MON2: variants seen among roughly 807,000 people sequenced by gnomAD.
The protein encoded by MON2 is protein MON2 homolog.
Under a neutral mutation model 208.6 loss-of-function variants are expected in MON2, and 84 were observed. The observed-to-expected ratio is 0.40, with a 90% CI of 0.34 to 0.48. The LOEUF (loss-of-function observed/expected upper bound fraction) is 0.48. Among genes scored for constraint, MON2 ranks in the 20% least tolerant of loss-of-function variants. MON2 has a pLI of 0.59. For missense variants in MON2, 1,611 were observed against 2,015.4 expected, an observed-to-expected ratio of 0.80 and a Z score of 3.84; for synonymous variants, 660 against 694.0, an observed-to-expected ratio of 0.95 and a Z score of 0.77.
chr12:62,501,727 A>C, intron 7 of MON2, 29 bp downstream of exon 7: 9 of 1,610,522 alleles, frequency 5.6e-6, no homozygotes, highest in Non-Finnish European at 7.6e-6. Context: ...CTTGTGACAA[A>C]GTTAATCTGA....
intron 30 of MON2, among the ~76,000 whole-genome samples, chr12:62,573,068 A>G (rs2074655027): frequency 6.6e-6 from 1 of 152,216 alleles, no homozygotes; most frequent in Non-Finnish European, 1.5e-5. Flanking sequence ...ATAACAGGTG[A>G]TCCTAATTTC....
At chr12:62,552,798 A>G in intron 23 of MON2, 83 bp from the exon 24 acceptor site, 2 of 1,019,914 alleles carry the variant, frequency 2.0e-6, no homozygotes, top group Non-Finnish European at 2.9e-6. Flanking sequence ...TTACTCTGAA[A>G]GGTAAAACAG....
intron 11 of MON2, among the ~76,000 whole-genome samples, chr12:62,527,887 G>T (rs111963768): frequency 4.6e-5 from 7 of 150,934 alleles, no homozygotes; most frequent in African/African-American, 1.7e-4. Context: ...ATAAATACTT[G>T]TCTGGGTTGT....
chr12:62,477,710 C>G (rs2069172421), intron 1 of MON2, among the ~76,000 whole-genome samples: 1 of 151,984 alleles, frequency 6.6e-6, no homozygotes, highest in Non-Finnish European at 1.5e-5. Flanking sequence ...GCCACTACTT[C>G]TGGCCTAGAT....
chr12:62,470,913 T>C (rs2068758980), intron 1 of MON2: 1 of 214,374 alleles, frequency 4.7e-6, no homozygotes, highest in African/African-American at 2.3e-5. Context: ...TTAGAGGGTA[T>C]TGAGACTGAA....
intron 1 of MON2, among the ~76,000 whole-genome samples, chr12:62,468,170 A>G (rs1280278121): frequency 6.6e-6 from 1 of 151,258 alleles, no homozygotes; most frequent in Non-Finnish European, 1.5e-5. Flanking sequence ...AAAAAAAACA[A>G]ACAAAAAAAC....
intron 1 of MON2, among the ~76,000 whole-genome samples, chr12:62,469,900 T>G (rs917547078): frequency 1.3e-4 from 4 of 31,276 alleles, no homozygotes; most frequent in African/African-American, 4.6e-4. Flanking sequence ...ATTTATTTAT[T>G]TATTTATTTA....
rs115854846 is a variant in MON2, at chr12:62,586,149, T to G, written c.4907+648T>G. ...GTTAGGTTTGCAAATACTTTTATAA[T>G]GTGGAAATTAGAGTTTAAGGCATAA... On this transcript the variant is annotated intron_variant, in intron 33 of 34. Coordinates refer to ENST00000393630, the MANE Select transcript of MON2 (RefSeq NM_015026.3). 9.2e-3 allele frequency among the ~76,000 whole-genome samples: 1,395 copies of G among 152,310 alleles called. 25 individuals are homozygous for G. Among genetic ancestry groups the G allele is most frequent in the African/African-American group, 0.032 (1,318 of 41,556 alleles).
intron 19 of MON2, among the ~76,000 whole-genome samples, chr12:62,539,202 A>C (rs2073120693): frequency 6.6e-6 from 1 of 152,182 alleles, no homozygotes; most frequent in Non-Finnish European, 1.5e-5. Context: ...ATGATTTAAA[A>C]GCTAAAATTT....
chr12:62,543,060 C>T lies in MON2; in HGVS notation c.2365-37C>T, dbSNP rs2073312196. The T allele has an allele frequency of 4.3e-6, 5 of 1,149,482 alleles. No homozygotes were observed. The South Asian group carries it at 5.9e-5, about 13-fold the overall frequency. 71.2% of individuals were successfully genotyped at this position (1,149,482 alleles called of 1,614,324 possible). A position where few individuals can be genotyped will look rare whatever the true frequency, so the allele number is the denominator to read the frequency against. On this transcript the variant is annotated intron_variant, in intron 19 of 34. Coordinates refer to ENST00000393630, the MANE Select transcript of MON2 (RefSeq NM_015026.3). ...TCATAGTCTAATTACTCAGAATTCT[C>T]CTTATACTATCAAAATACAATGTAT...
At chr12:62,584,061 G>T (rs2075107452) in intron 32 of MON2, among the ~76,000 whole-genome samples, 1 of 151,806 alleles carries the variant, frequency 6.6e-6, no homozygotes, top group Non-Finnish European at 1.5e-5. Context: ...GTTGTAAATG[G>T]AAAGGACTTT....
At chr12:62,581,074 A>G (rs2074987739) in intron 32 of MON2, among the ~76,000 whole-genome samples, 1 of 152,240 alleles carries the variant, frequency 6.6e-6, no homozygotes, top group South Asian at 2.1e-4. Context: ...AAGAAAATTG[A>G]TTTAGAAAGG....
At chr12:62,499,118 C>T (rs2070699096) in intron 5 of MON2, 70 bp downstream of exon 5, 1 of 1,517,532 alleles carries the variant, frequency 6.6e-7, no homozygotes, top group Admixed American at 2.0e-5. Flanking sequence ...AACTTTCGGC[C>T]TTTGCTCAGA....
intron 27 of MON2, 95 bp from the exon 28 acceptor site, chr12:62,565,919 A>G: frequency 2.5e-6 from 3 of 1,200,098 alleles, no homozygotes; most frequent in South Asian, 3.1e-5. Context: ...TTCACTCAAC[A>G]TAAAAATTAT....
chr12:62,468,702 A>C (rs1280901589), intron 1 of MON2, among the ~76,000 whole-genome samples: 1 of 152,074 alleles, frequency 6.6e-6, no homozygotes, highest in African/African-American at 2.4e-5. Flanking sequence ...TTTTTTTTAT[A>C]TCCTCTGTTG....
At chr12:62,542,741 C>G (rs1344680607) in intron 19 of MON2, among the ~76,000 whole-genome samples, 1 of 152,092 alleles carries the variant, frequency 6.6e-6, no homozygotes, top group African/African-American at 2.4e-5. Flanking sequence ...TTCCCTACTT[C>G]TTGACATTCA....
intron 1 of MON2, among the ~76,000 whole-genome samples, chr12:62,475,605 A>G (rs1273766175): frequency 6.6e-6 from 1 of 150,574 alleles, no homozygotes; most frequent in Admixed American, 6.6e-5. Flanking sequence ...TAGTTTCACC[A>G]TGTTGGCCAG....
chr12:62,547,790 A>G (rs1253833677), intron 22 of MON2, among the ~76,000 whole-genome samples: 2 of 152,220 alleles, frequency 1.3e-5, no homozygotes, highest in Admixed American at 6.5e-5. Context: ...TTATGTTACA[A>G]TTGCTTACAG....
intron 25 of MON2, among the ~76,000 whole-genome samples, chr12:62,558,728 A>C: frequency 7.3e-6 from 1 of 137,126 alleles, no homozygotes. Flanking sequence ...TTGGAGTTTC[A>C]CTCTTGTTGC....
Sources: allele counts gnomAD v4.1 joint callset (sites outside exome capture counted in the v4.1 genomes callset), GRCh38; gene constraint gnomAD v4.1.1; transcripts MANE v1.5; gene names NCBI Gene and HGNC (gene_info 2026-07-23, HGNC 2026-07-21).